Variants in CLASP2 observed in about 807,000 individuals in gnomAD.
CLASP2 encodes the protein CLIP-associating protein 2.
A neutral mutation model predicts 194.4 loss-of-function variants in CLASP2; 47 were observed. That is an observed-to-expected ratio of 0.24 (90% CI 0.19 to 0.31). The LOEUF (loss-of-function observed/expected upper bound fraction) is 0.31. Among genes scored for constraint, CLASP2 ranks in the 10% least tolerant of loss-of-function variants. The pLI is 1.00. For synonymous variants in CLASP2, 619 were observed against 633.5 expected, an observed-to-expected ratio of 0.98 and a Z score of 0.34; for missense variants, 1,445 against 1,823.6, an observed-to-expected ratio of 0.79 and a Z score of 3.78.
chr3:33,501,555 T>G (rs2046857545), intron 38 of CLASP2, 97 bp downstream of exon 38: 5 of 720,572 alleles, frequency 6.9e-6, no homozygotes, highest in Non-Finnish European at 1.2e-5. Flanking sequence ...CCTGACTTAT[T>G]AAATGCCAAA....
At chr3:33,619,500 TGAGA>T (rs1490642140) in intron 12 of CLASP2, 99 bp downstream of exon 12, 15 of 985,056 alleles carry the variant, frequency 1.5e-5, no homozygotes, top group Non-Finnish European at 2.1e-5. Context: ...TGACTTACAT[TGAGA>T]GAGAGGGGTG....
At chr3:33,647,696 G>A (rs544971014) in intron 7 of CLASP2, among the ~76,000 whole-genome samples, 177 of 152,268 alleles carry the variant, frequency 1.2e-3, no homozygotes, top group Non-Finnish European at 1.7e-3. Flanking sequence ...GTTTTGATCC[G>A]CAAGCAACAG....
At chr3:33,709,865 C>G (rs933979954) in intron 1 of CLASP2, among the ~76,000 whole-genome samples, 1 of 152,154 alleles carries the variant, frequency 6.6e-6, no homozygotes, top group Admixed American at 6.5e-5. Context: ...AAATAACTTA[C>G]TAAAAGATTT....
intron 6 of CLASP2, among the ~76,000 whole-genome samples, chr3:33,680,858 G>T (rs1004454212): frequency 6.6e-6 from 1 of 151,834 alleles, no homozygotes; most frequent in African/African-American, 2.4e-5. Flanking sequence ...TAGGTGCAGT[G>T]GCTCACACCT....
At chr3:33,531,626 T>C (rs2056325919) in intron 34 of CLASP2, among the ~76,000 whole-genome samples, 1 of 152,012 alleles carries the variant, frequency 6.6e-6, no homozygotes, top group Admixed American at 6.6e-5. Context: ...AATACAAAAA[T>C]TAGCCAGGCA....
At chr3:33,606,088 A>G (rs1274158347) in intron 16 of CLASP2, among the ~76,000 whole-genome samples, 1 of 152,096 alleles carries the variant, frequency 6.6e-6, no homozygotes, top group African/African-American at 2.4e-5. Context: ...CTAAGCAGTA[A>G]GGATTTGAGG....
chr3:33,627,783 G>A (rs1187874678), intron 9 of CLASP2, among the ~76,000 whole-genome samples: 1 of 152,132 alleles, frequency 6.6e-6, no homozygotes, highest in Non-Finnish European at 1.5e-5. Context: ...CATAAGAGGA[G>A]GTTGACCTAT....
At chr3:33,651,453 G>A (rs1382857647) in intron 7 of CLASP2, among the ~76,000 whole-genome samples, 1 of 150,514 alleles carries the variant, frequency 6.6e-6, no homozygotes, top group African/African-American at 2.4e-5. Flanking sequence ...CCCAAGCCCA[G>A]CAGAAACTGT....
At chr3:33,673,776 T>C (rs1411975635) in intron 6 of CLASP2, among the ~76,000 whole-genome samples, 1 of 151,830 alleles carries the variant, frequency 6.6e-6, no homozygotes, top group Non-Finnish European at 1.5e-5. Context: ...AAACAAAAAA[T>C]GGCAGGGGTT....
chr3:33,637,450 C>T (rs1352586042), intron 8 of CLASP2, among the ~76,000 whole-genome samples: 1 of 152,124 alleles, frequency 6.6e-6, no homozygotes, highest in Non-Finnish European at 1.5e-5. Context: ...AGGAGAATCG[C>T]TTGAACCTGG....
At chr3:33,577,509 G>T (rs1460229926) in intron 23 of CLASP2, among the ~76,000 whole-genome samples, 1 of 151,788 alleles carries the variant, frequency 6.6e-6, no homozygotes, top group Non-Finnish European at 1.5e-5. Context: ...CAAATGGAAG[G>T]AAATGTTGAA....
At position 33,576,290 on chromosome 3, in the gene CLASP2, G is replaced by T; in HGVS notation, c.2348-15C>A. The T allele has an allele frequency of 1.3e-6, 2 of 1,597,748 alleles. No individual in the cohort carries two copies. Among genetic ancestry groups the T allele is most frequent in the East Asian group, 4.5e-5 (2 of 44,756 alleles). ...ATAACCTGGACCTAATTCATCAAAA[G>T]AAGGAAAATAGATTTGAAGGAGTCA... On this transcript the variant is annotated splice_polypyrimidine_tract_variant and intron_variant, in intron 23 of 38. Transcript: ENST00000682230.
At chr3:33,712,953 T>C in intron 1 of CLASP2, among the ~76,000 whole-genome samples, 1 of 129,662 alleles carries the variant, frequency 7.7e-6, no homozygotes, top group East Asian at 2.3e-4. Context: ...AGCAAAGACC[T>C]GAGCAAAGAG....
chr3:33,544,483 T>TCCTA (rs1468942809), intron 31 of CLASP2, among the ~76,000 whole-genome samples: 1 of 152,122 alleles, frequency 6.6e-6, no homozygotes, highest in Non-Finnish European at 1.5e-5. Flanking sequence ...TTTACCACTA[T>TCCTA]CCTAATGCAC....
At chr3:33,617,951 A>G (rs201157647) in intron 12 of CLASP2, among the ~76,000 whole-genome samples, 1 of 116,556 alleles carries the variant, frequency 8.6e-6, no homozygotes, top group Non-Finnish European at 1.9e-5. Flanking sequence ...ATATATATAT[A>G]TTTTTTTTTT....
chr3:33,602,591 T>G (rs1211331852), intron 18 of CLASP2: 1 of 760,370 alleles, frequency 1.3e-6, no homozygotes, highest in Non-Finnish European at 2.4e-6. Context: ...CTTCACATTC[T>G]TGGTAAGAGA....
chr3:33,506,918 T>C (rs2048406698), intron 37 of CLASP2, among the ~76,000 whole-genome samples: 1 of 151,798 alleles, frequency 6.6e-6, no homozygotes, highest in East Asian at 1.9e-4. Context: ...CCAATTTTGT[T>C]CTTTTTCAAG....
At chr3:33,559,110 C>CA in intron 29 of CLASP2, 197 bp downstream of exon 29, 1 of 676,290 alleles carries the variant, frequency 1.5e-6, no homozygotes. Flanking sequence ...CAGATGAAAA[C>CA]AAAAACAATA....
chr3:33,547,604 G>A (rs2059349960), intron 30 of CLASP2, among the ~76,000 whole-genome samples: 2 of 152,192 alleles, frequency 1.3e-5, no homozygotes, highest in South Asian at 4.1e-4. Context: ...TTTTTGATGT[G>A]CGATGTCTCT....
Sources: allele counts gnomAD v4.1 joint callset (sites outside exome capture counted in the v4.1 genomes callset), GRCh38; gene constraint gnomAD v4.1.1; transcripts MANE v1.5; gene names NCBI Gene and HGNC (gene_info 2026-07-23, HGNC 2026-07-21).